Variants in ITGB3 observed in about 807,000 individuals in gnomAD.
ITGB3 encodes integrin beta-3.
Under a neutral mutation model 85.8 loss-of-function variants are expected in ITGB3, and 48 were observed. That is an observed-to-expected ratio of 0.56 (90% CI 0.44 to 0.71). ITGB3 has a LOEUF of 0.71. ITGB3 is among the 30% of genes least tolerant of loss of function. The probability of loss-of-function intolerance (pLI) is 0.00; values close to 1 mark genes in which losing one functional copy is unlikely to be tolerated. For missense variants in ITGB3, 861 were observed against 1,019.1 expected (o/e 0.84, Z 2.11); for synonymous variants, 363 against 395.6 (o/e 0.92, Z 0.98).
chr17:47,307,586 A>G lies in ITGB3; in HGVS notation c.2250A>G (p.Arg750=). The change falls in exon 14 of 15, where the codon CGA becomes CGG. Residue 750 remains arginine (R), a synonymous_variant. Coordinates refer to ENST00000559488, the MANE Select transcript of ITGB3 (RefSeq NM_000212.3). The part of the protein sequence containing the change: ...IWKLLITIHD[R]KEFAKFEEER... Reference sequence around the variant, plus strand: ...AACTCCTCATCACCATCCACGACCGAAAAGAATTCGCTAAATTTGAGGAAG... The same window carrying G: ...AACTCCTCATCACCATCCACGACCGGAAAGAATTCGCTAAATTTGAGGAAG... The G allele has an allele frequency of 6.2e-7, 1 of 1,614,210 alleles. No individual in the cohort carries two copies. Among genetic ancestry groups the G allele is most frequent in the Non-Finnish European group, 8.5e-7 (1 of 1,180,018 alleles).
chr17:47,274,383 A>G, intron 1 of ITGB3, 36 bp from the exon 2 acceptor site: 1 of 1,601,302 alleles, frequency 6.2e-7, no homozygotes, highest in Non-Finnish European at 8.5e-7. Flanking sequence ...TCACTGAGCC[A>G]AATCTGGTGC....
At chr17:47,286,861 T>C (rs2065104439) in intron 5 of ITGB3, among the ~76,000 whole-genome samples, 1 of 152,220 alleles carries the variant, frequency 6.6e-6, no homozygotes, top group Non-Finnish European at 1.5e-5. Flanking sequence ...ACTAATCAGC[T>C]ATGAGACTGT....
At chr17:47,286,952 GA>G in intron 5 of ITGB3, 117 bp from the exon 6 acceptor site, 1 of 1,008,392 alleles carries the variant, frequency 9.9e-7, no homozygotes, top group Non-Finnish European at 1.5e-6. Context: ...TTGTTTTGAA[GA>G]AAAATAAGCT....
chr17:47,271,463 T>C (rs891570957), intron 1 of ITGB3, among the ~76,000 whole-genome samples: 6 of 152,234 alleles, frequency 3.9e-5, no homozygotes, highest in East Asian at 1.9e-4. Flanking sequence ...GGGAGATTTA[T>C]GGTTGATCAG....
rs201786330 is a variant in ITGB3, at chr17:47,290,230, A to G, written c.1081A>G (p.Met361Val). 1.2e-5 allele frequency: 20 copies of G among 1,614,124 alleles called. No individual in the cohort carries two copies. In the African/African-American group the frequency reaches 1.6e-4, roughly 13 times the overall value. Residue 361 changes from methionine (M) to valine (V), a missense_variant, in exon 8 of 15, where the codon ATG (methionine) becomes GTG (valine). Transcript: ENST00000559488. ...AGGGACCACAGTTGGGGTTCTGTCC[A>G]TGGATTCCAGCAATGTCCTCCAGCT... ...IPGTTVGVLS[M>V]DSSNVLQLIV...
In ITGB3 at chr17:47,299,608, GGT is replaced by G. The variant is rs1384436932; in HGVS notation, c.1913+83_1913+84del. On this transcript the variant is annotated intron_variant, in intron 11 of 14. Transcript: ENST00000559488. This position sits in a 1 kb window ranked among gnomAD's most constrained non-coding sequence, Gnocchi z 5.1. ...CCTGACTAGAATCCCCAGCTCTCCA[GGT>G]GTGTTTCTTGCTCACCAGAGCCTTA... 7.5e-6 allele frequency: 10 copies of G among 1,341,226 alleles called. No individual in the cohort carries two copies. The highest frequency in any genetic ancestry group is 8.4e-6 in the Non-Finnish European group (8 of 950,804). The allele number at this position is 1,341,226 out of a possible 1,614,324, so 83.1% of individuals were successfully genotyped here. A position where few individuals can be genotyped will look rare whatever the true frequency, so the allele number is the denominator to read the frequency against.
At chr17:47,292,674 G>C (rs1178131801) in intron 10 of ITGB3, 106 bp downstream of exon 10, 7 of 1,165,602 alleles carry the variant, frequency 6.0e-6, no homozygotes, top group Non-Finnish European at 8.7e-6. Context: ...TGCAGGCAGA[G>C]GTGTAAGTCA....
chr17:47,277,564 G>A (rs540749338), intron 2 of ITGB3, among the ~76,000 whole-genome samples: 46 of 152,160 alleles, frequency 3.0e-4, no homozygotes, highest in African/African-American at 8.9e-4. Context: ...CTCCAGCCTG[G>A]GTAACACAGG....
At chr17:47,262,869 A>G (rs1387645455) in intron 1 of ITGB3, among the ~76,000 whole-genome samples, 2 of 152,172 alleles carry the variant, frequency 1.3e-5, no homozygotes, top group African/African-American at 4.8e-5. Context: ...CATCCACTAT[A>G]GAGGGTTCTT....
At position 47,253,935 on chromosome 17, in the gene ITGB3, T is replaced by C; in HGVS notation, c.74T>C (p.Val25Ala). 1 of 1,417,832 alleles carries C rather than the reference T, an allele frequency of 7.1e-7. No homozygotes were observed. The highest frequency in any genetic ancestry group is 9.3e-7 in the Non-Finnish European group (1 of 1,079,888). The allele number at this position is 1,417,832 out of a possible 1,614,324, so 87.8% of individuals were successfully genotyped here. A position where few individuals can be genotyped will look rare whatever the true frequency, so the allele number is the denominator to read the frequency against. The change falls in exon 1 of 15, where the codon GTA becomes GCA. Residue 25 changes from valine to alanine, a missense_variant. By Grantham distance (64) the Val-to-Ala change is moderately conservative. Coordinates refer to ENST00000559488, the MANE Select transcript of ITGB3 (RefSeq NM_000212.3). Reference sequence around the variant, plus strand: ...CTGGGGGCGCTGGCGGGCGTTGGCGTAGGAGGTGAGTGAGGCTCCGGCTCG... The same window carrying C: ...CTGGGGGCGCTGGCGGGCGTTGGCGCAGGAGGTGAGTGAGGCTCCGGCTCG... ...LALGALAGVG[V>A]GGPNICTTRG... is the part of the protein sequence containing the mutation.
At position 47,290,303 on chromosome 17, in the gene ITGB3, G is replaced by A. The variant is rs16941829; in HGVS notation, c.1125+29G>A. Reference sequence around the variant, plus strand: ...AGTGTCTTGTGCTGGGAATAGTCCCGCGGAGAGTCCACCTCATTTGGCTTA... The same window carrying A: ...AGTGTCTTGTGCTGGGAATAGTCCCACGGAGAGTCCACCTCATTTGGCTTA... On this transcript the variant is annotated intron_variant, in intron 8 of 14. Coordinates refer to ENST00000559488, the MANE Select transcript of ITGB3 (RefSeq NM_000212.3). 76,832 of 1,579,874 alleles carry A rather than the reference G, an allele frequency of 0.049. 2,275 individuals carry two copies. Among genetic ancestry groups the A allele is most frequent in the Middle Eastern group, 0.12 (637 of 5,160 alleles).
rs886053089 is a variant in ITGB3, at chr17:47,310,330, G to C, written c.*126G>C. 1.3e-5 allele frequency: 11 copies of C among 853,162 alleles called. No homozygotes were observed. The East Asian group carries it at 2.3e-4, about 18-fold the overall frequency. 52.8% of individuals were successfully genotyped at this position (853,162 alleles called of 1,614,324 possible). A position where few individuals can be genotyped will look rare whatever the true frequency, so the allele number is the denominator to read the frequency against. Reference sequence around the variant, plus strand: ...GGGCTCAGAGTGGGGTAGGTTGGGAGAATGTCAGTATGTGGAAGTGTGGGT... The same window carrying C: ...GGGCTCAGAGTGGGGTAGGTTGGGACAATGTCAGTATGTGGAAGTGTGGGT... On this transcript the variant is annotated 3_prime_UTR_variant, in exon 15 of 15. Coordinates refer to ENST00000559488, the MANE Select transcript of ITGB3 (RefSeq NM_000212.3).
intron 1 of ITGB3, among the ~76,000 whole-genome samples, chr17:47,255,103 C>G (rs902581159): frequency 6.6e-6 from 1 of 152,080 alleles, no homozygotes; most frequent in East Asian, 1.9e-4. Context: ...CTCAGCCTCC[C>G]GAGTAGCTGG....
intron 13 of ITGB3, among the ~76,000 whole-genome samples, chr17:47,304,651 A>G (rs1369362250): frequency 1.3e-5 from 2 of 152,070 alleles, no homozygotes; most frequent in Admixed American, 1.3e-4. Context: ...TCTGTTGCCC[A>G]GGGTGGAGTA....
At chr17:47,287,911 CTTTTTTTTTTTTTT>C (rs60463106) in intron 6 of ITGB3, among the ~76,000 whole-genome samples, 42 of 55,396 alleles carry the variant, frequency 7.6e-4, no homozygotes, top group African/African-American at 2.5e-3. Flanking sequence ...ACCACCCCTG[CTTTTTTTTTTTTTT>C]TTTTTTTTTT....
chr17:47,279,158 C>A (rs896957734), intron 2 of ITGB3, among the ~76,000 whole-genome samples: 5 of 152,182 alleles, frequency 3.3e-5, no homozygotes, highest in Non-Finnish European at 7.4e-5. Context: ...GTCACCCTCC[C>A]AGGAGAGGGA....
intron 4 of ITGB3, 90 bp from the exon 5 acceptor site, chr17:47,286,170 A>G (rs1408917114): frequency 1.4e-6 from 2 of 1,430,470 alleles, no homozygotes; most frequent in African/African-American, 1.4e-5. Flanking sequence ...GCATACCACT[A>G]TCTATATTTG....
intron 10 of ITGB3, among the ~76,000 whole-genome samples, chr17:47,295,281 G>C (rs1261758076): frequency 1.3e-5 from 2 of 152,142 alleles, no homozygotes; most frequent in Non-Finnish European, 2.9e-5. Flanking sequence ...GATCTCAGAG[G>C]AGGGGCAGGC....
At chr17:47,285,615 T>A (rs1353127821) in intron 4 of ITGB3, among the ~76,000 whole-genome samples, 4 of 147,866 alleles carry the variant, frequency 2.7e-5, no homozygotes, top group Non-Finnish European at 4.5e-5. Context: ...CAACTGTCTC[T>A]AAAAAAAAAA....
Sources: allele counts gnomAD v4.1 joint callset (sites outside exome capture counted in the v4.1 genomes callset), GRCh38; gene constraint gnomAD v4.1.1; non-coding constraint Gnocchi (gnomAD v3.1); transcripts MANE v1.5; gene names NCBI Gene and HGNC (gene_info 2026-07-23, HGNC 2026-07-21).